TVP23A: variants seen among roughly 807,000 people sequenced by gnomAD.
TVP23A encodes Golgi apparatus membrane protein TVP23 homolog A.
In TVP23A, 21 loss-of-function variants were observed where a neutral mutation model predicts 31.7. The observed-to-expected ratio is 0.66, with a 90% CI of 0.47 to 0.95. The LOEUF (loss-of-function observed/expected upper bound fraction) is 0.95, where lower values mean the gene tolerates loss of function less well. Ranked by LOEUF, TVP23A falls within the 40% of genes least tolerant of loss-of-function variation. TVP23A has a pLI of 0.00. For synonymous variants in TVP23A, 104 were observed against 96.0 expected, an observed-to-expected ratio of 1.08 and a Z score of -0.49; for missense variants, 279 against 255.6, an observed-to-expected ratio of 1.09 and a Z score of -0.62.
chr16:10,811,908 A>C (rs1264796091), intron 2 of TVP23A, among the ~76,000 whole-genome samples: 1 of 150,778 alleles, frequency 6.6e-6, no homozygotes, highest in African/African-American at 2.4e-5. Flanking sequence ...CGTCTCAAAA[A>C]AAAAAAAAAA....
Position 10,818,259 on chromosome 16 carries a change from C to A in TVP23A, c.10-77G>T. The A allele has an allele frequency of 2.2e-6, 2 of 910,182 alleles. No homozygotes were observed. Among genetic ancestry groups the A allele is most frequent in the East Asian group, 4.4e-5 (1 of 22,914 alleles). The allele number at this position is 910,182 out of a possible 1,614,324, so 56.4% of individuals were successfully genotyped here. A position where few individuals can be genotyped will look rare whatever the true frequency, so the allele number is the denominator to read the frequency against. On this transcript the variant is annotated intron_variant, in intron 1 of 7. Coordinates refer to ENST00000299866, the MANE Select transcript of TVP23A (RefSeq NM_001079512.4). This position sits in a 1 kb window ranked among gnomAD's most constrained non-coding sequence, Gnocchi z 4.7. Reference sequence around the variant, plus strand: ...ACCCCACCCGCCCTGTCCTCCTGGGCTTGGACTCCACTTGCACCCCACCGG... The same window carrying A: ...ACCCCACCCGCCCTGTCCTCCTGGGATTGGACTCCACTTGCACCCCACCGG...
At chr16:10,760,496 A>G (rs1310994131), downstream of TVP23A, among the ~76,000 whole-genome samples, 1 of 152,242 alleles carries the variant, frequency 6.6e-6, no homozygotes, top group Non-Finnish European at 1.5e-5. Flanking sequence ...CTCTAACCCT[A>G]ACACTCTGGG....
intron 2 of TVP23A, among the ~76,000 whole-genome samples, chr16:10,796,833 G>C (rs2033416324): frequency 6.6e-6 from 1 of 152,316 alleles, no homozygotes; most frequent in Middle Eastern, 3.4e-3. Context: ...AAAAAATAAA[G>C]TTATGAGACA....
chr16:10,778,357 G>A (rs1157626656), intron 2 of TVP23A, among the ~76,000 whole-genome samples: 1 of 152,048 alleles, frequency 6.6e-6, no homozygotes, highest in Non-Finnish European at 1.5e-5. Flanking sequence ...GGATCACATA[G>A]AACTTAAAAA....
At chr16:10,811,796 C>T (rs759613032) in intron 2 of TVP23A, among the ~76,000 whole-genome samples, 14 of 150,118 alleles carry the variant, frequency 9.3e-5, no homozygotes, top group Non-Finnish European at 1.6e-4. Flanking sequence ...CCCATCTACT[C>T]GGCAGGCTGA....
chr16:10,794,941 G>A, intron 2 of TVP23A, among the ~76,000 whole-genome samples: 1 of 152,046 alleles, frequency 6.6e-6, no homozygotes, highest in East Asian at 1.9e-4. Context: ...TAGTAACACA[G>A]GCGACCCGAG....
intron 2 of TVP23A, among the ~76,000 whole-genome samples, chr16:10,802,849 A>T (rs183561134): frequency 4.0e-4 from 61 of 152,300 alleles, no homozygotes; most frequent in African/African-American, 1.4e-3. Context: ...TTCCATGTTT[A>T]TTTGGTGCTC....
chr16:10,809,119 G>C (rs1225512303), intron 2 of TVP23A, among the ~76,000 whole-genome samples: 1 of 152,176 alleles, frequency 6.6e-6, no homozygotes, highest in Non-Finnish European at 1.5e-5. Flanking sequence ...AAGCCCACAA[G>C]GGGCATCAGG....
At position 10,777,249 on chromosome 16, in the gene TVP23A, C is replaced by A. The variant is rs1479487180; in HGVS notation, c.90-2153G>T. 6.6e-6 allele frequency among the ~76,000 whole-genome samples: 1 copy of A among 152,070 alleles called. No individual in the cohort carries two copies. The highest frequency in any genetic ancestry group is 1.5e-5 in the Non-Finnish European group (1 of 68,026). On this transcript the variant is annotated intron_variant, in intron 2 of 7. Transcript: ENST00000299866. The surrounding 1 kb of genome is among the most constrained non-coding windows in gnomAD (Gnocchi z 4.5). ...AAACCAGACCCAGTACTGCCAGAGC[C>A]AAGATTTTCATGAGAAGTCAGAAAT... is the stretch of plus-strand genomic sequence containing the variant.
At chr16:10,780,129 A>AATGAATG (rs1567286549) in intron 2 of TVP23A, among the ~76,000 whole-genome samples, 4 of 146,880 alleles carry the variant, frequency 2.7e-5, no homozygotes, top group African/African-American at 1.1e-4. Flanking sequence ...ATGAATGAAT[A>AATGAATG]AAATAAAATA....
chr16:10,780,484 T>A (rs926527130), intron 2 of TVP23A, among the ~76,000 whole-genome samples: 1 of 152,168 alleles, frequency 6.6e-6, no homozygotes, highest in African/African-American at 2.4e-5. Context: ...TCTCTCAGCT[T>A]TTAATATTTA....
At chr16:10,769,147 A>C (rs1204265718) in intron 7 of TVP23A, 46 bp from the exon 8 acceptor site, 1 of 1,591,738 alleles carries the variant, frequency 6.3e-7, no homozygotes, top group East Asian at 2.2e-5. Flanking sequence ...CGAGCGAGGC[A>C]CTCACTGGGC....
At chr16:10,774,862 G>C in intron 3 of TVP23A, 90 bp downstream of exon 3, 1 of 1,118,506 alleles carries the variant, frequency 8.9e-7, no homozygotes, top group South Asian at 1.4e-5. Flanking sequence ...CATGTCTCAG[G>C]AGTCTAAACC....
chr16:10,757,848 A>T (rs1467036840), downstream of TVP23A: 1 of 1,602,372 alleles, frequency 6.2e-7, no homozygotes. This position sits in a 1 kb window ranked among gnomAD's most constrained non-coding sequence, Gnocchi z 4.1. Flanking sequence ...AAAAGTAAGC[A>T]TCCCCTGTGG....
Position 10,767,869 on chromosome 16 carries a change from C to G in TVP23A, c.*1233G>C, listed in dbSNP as rs2031129022. 1 of 1,293,874 alleles carries G rather than the reference C, an allele frequency of 7.7e-7. No homozygotes were observed. The highest frequency in any genetic ancestry group is 1.5e-5 in the African/African-American group (1 of 68,582). The allele number at this position is 1,293,874 out of a possible 1,614,324, so 80.1% of individuals were successfully genotyped here. A position where few individuals can be genotyped will look rare whatever the true frequency, so the allele number is the denominator to read the frequency against. ...CTCAAGATCTTCCCATTGTCACCAG[C>G]ACGGAAAGAGCCCCAAGATCTTGTG... On this transcript the variant is annotated 3_prime_UTR_variant, in exon 8 of 8. Transcript: ENST00000299866. The surrounding 1 kb of genome is among the most constrained non-coding windows in gnomAD (Gnocchi z 4.6).
In TVP23A at chr16:10,818,740, C is replaced by A. The variant is rs1399609951; in HGVS notation, c.-247G>T. 1 of 486,050 alleles carries A rather than the reference C, an allele frequency of 2.1e-6. No individual in the cohort carries two copies. The highest frequency in any genetic ancestry group is 2.1e-5 in the African/African-American group (1 of 48,538). The allele number at this position is 486,050 out of a possible 1,614,324, so 30.1% of individuals were successfully genotyped here. ...CCGGGGACGCGCCCAGGAGAGAAAG[C>A]GGCGGCAGGGAGGCAACGGCCTGGG... is the stretch of plus-strand genomic sequence containing the variant. On this transcript the variant is annotated 5_prime_UTR_variant, in exon 1 of 8. Coordinates refer to ENST00000299866, the MANE Select transcript of TVP23A (RefSeq NM_001079512.4). This position sits in a 1 kb window ranked among gnomAD's most constrained non-coding sequence, Gnocchi z 4.7.
At chr16:10,787,095 C>G (rs1027379305) in intron 2 of TVP23A, among the ~76,000 whole-genome samples, 2 of 152,166 alleles carry the variant, frequency 1.3e-5, no homozygotes, top group African/African-American at 4.8e-5. Flanking sequence ...AATGCCCAAC[C>G]CTCCCTGCAC....
At chr16:10,804,862 G>A (rs568306845) in intron 2 of TVP23A, among the ~76,000 whole-genome samples, 25 of 152,060 alleles carry the variant, frequency 1.6e-4, no homozygotes, top group Non-Finnish European at 1.2e-4. Flanking sequence ...GGCATGAAGG[G>A]AACAATTCAT....
intron 2 of TVP23A, among the ~76,000 whole-genome samples, chr16:10,807,951 C>A (rs1346726161): frequency 6.6e-6 from 1 of 152,108 alleles, no homozygotes; most frequent in Non-Finnish European, 1.5e-5. Flanking sequence ...GGACTGAAGC[C>A]ATCCTCTCAC....
Sources: allele counts gnomAD v4.1 joint callset (sites outside exome capture counted in the v4.1 genomes callset), GRCh38; gene constraint gnomAD v4.1.1; non-coding constraint Gnocchi (gnomAD v3.1); transcripts MANE v1.5; gene names NCBI Gene and HGNC (gene_info 2026-07-23, HGNC 2026-07-21).